MYO15A: variants seen among roughly 807,000 people sequenced by gnomAD.
The protein encoded by MYO15A is myosin XVA, also known as unconventional myosin-XV.
A neutral mutation model predicts 394.6 loss-of-function variants in MYO15A; 308 were observed. The observed-to-expected ratio is 0.78, with a 90% confidence interval of 0.71 to 0.86. MYO15A has a LOEUF of 0.86. Among genes scored for constraint, MYO15A ranks in the 40% least tolerant of loss-of-function variants. The pLI is 0.00. For missense variants in MYO15A, 4,606 were observed against 4,799.1 expected (o/e 0.96, Z 1.19); for synonymous variants, 1,957 against 2,003.8 (o/e 0.98, Z 0.62).
rs527928448 is a variant in MYO15A, at chr17:18,132,643, C to G, written c.4320+77C>G. 1 of 1,223,414 alleles carries G rather than the reference C, an allele frequency of 8.2e-7. No individual in the cohort carries two copies. 75.8% of individuals were successfully genotyped at this position (1,223,414 alleles called of 1,614,324 possible). On this transcript the variant is annotated intron_variant, in intron 11 of 65. Transcript: ENST00000647165. The surrounding 1 kb of genome is among the most constrained non-coding windows in gnomAD (Gnocchi z 4.6). The stretch of plus-strand genomic sequence containing the variant: ...ACGCCCCTGGCTGGGCCTTGGGAGC[C>G]GAGTTGTGAGTGATGGAGTGTGAAG...
chr17:18,159,169 T>C (rs1044163287), intron 53 of MYO15A, 106 bp from the exon 54 acceptor site: 1 of 1,445,436 alleles, frequency 6.9e-7, no homozygotes, highest in Non-Finnish European at 9.6e-7. Flanking sequence ...GCTCCCCTTT[T>C]GTGACGTGGA....
rs1018189747 is a variant in MYO15A, at chr17:18,150,820, T to C, written c.7396-16T>C. 6.3e-7 allele frequency: 1 copy of C among 1,590,064 alleles called. No individual in the cohort carries two copies. Among genetic ancestry groups the C allele is most frequent in the African/African-American group, 1.3e-5 (1 of 74,522 alleles). Reference sequence around the variant, plus strand: ...GAGAATGGACCTGCCTGGTCACCACTGCCACCTCTCCCCAGGCCCGGGAGA... The same window carrying C: ...GAGAATGGACCTGCCTGGTCACCACCGCCACCTCTCCCCAGGCCCGGGAGA... On this transcript the variant is annotated splice_polypyrimidine_tract_variant and intron_variant, in intron 37 of 65. Coordinates refer to ENST00000647165, the MANE Select transcript of MYO15A (RefSeq NM_016239.4). This position sits in a 1 kb window ranked among gnomAD's most constrained non-coding sequence, Gnocchi z 4.4.
At chr17:18,144,682 A>C in intron 29 of MYO15A, 90 bp downstream of exon 29, 1 of 1,259,662 alleles carries the variant, frequency 7.9e-7, no homozygotes, top group Non-Finnish European at 1.1e-6. Flanking sequence ...AGCCCTCCCC[A>C]AGCCCAACCC....
chr17:18,130,827 T>C lies in MYO15A; in HGVS notation c.4038+17T>C, dbSNP rs761109391. On this transcript the variant is annotated intron_variant, in intron 8 of 65. Coordinates refer to ENST00000647165, the MANE Select transcript of MYO15A (RefSeq NM_016239.4). Reference sequence around the variant, plus strand: ...AAGATAAAGGTACTCAGTGTGTGTGTGTGTGTGTGTGTGTGTGTGTGTGTG... The same window carrying C: ...AAGATAAAGGTACTCAGTGTGTGTGCGTGTGTGTGTGTGTGTGTGTGTGTG... 1.7e-4 allele frequency: 223 copies of C among 1,301,256 alleles called. No individual in the cohort carries two copies. In the South Asian group the frequency reaches 2.3e-3, roughly 14 times the overall value. 80.6% of individuals were successfully genotyped at this position (1,301,256 alleles called of 1,614,324 possible). A position where few individuals can be genotyped will look rare whatever the true frequency, so the allele number is the denominator to read the frequency against.
intron 30 of MYO15A, among the ~76,000 whole-genome samples, chr17:18,146,492 C>A (rs2046483535): frequency 6.6e-6 from 1 of 152,192 alleles, no homozygotes; most frequent in Admixed American, 6.5e-5. Context: ...AGCTGTGTGA[C>A]CTTGGGTAAG....
At chr17:18,134,022 G>A (rs576126937) in intron 12 of MYO15A, among the ~76,000 whole-genome samples, 1 of 149,222 alleles carries the variant, frequency 6.7e-6, no homozygotes, top group East Asian at 2.0e-4. Context: ...ATGGAGTCTC[G>A]CCCTGTCGCC....
At chr17:18,158,016 G>T (rs1229467928) in intron 51 of MYO15A, 116 bp downstream of exon 51, 1 of 1,362,512 alleles carries the variant, frequency 7.3e-7, no homozygotes, top group Non-Finnish European at 9.7e-7. Flanking sequence ...CTCTTGGGGC[G>T]TGGCTGATCT....
chr17:18,142,733 A>G (rs2046403896), intron 24 of MYO15A, 23 bp from the exon 25 acceptor site: 1 of 1,607,866 alleles, frequency 6.2e-7, no homozygotes, highest in Non-Finnish European at 8.5e-7. Flanking sequence ...CCAATCCCTG[A>G]CCTCCCCACT....
At chr17:18,130,237 G>A (rs1450522855) in intron 7 of MYO15A, among the ~76,000 whole-genome samples, 2 of 152,082 alleles carry the variant, frequency 1.3e-5, no homozygotes, top group Non-Finnish European at 2.9e-5. Context: ...TTAAGCACCA[G>A]GTCTGTGTAG....
At position 18,179,250 on chromosome 17, in the gene MYO15A, C is replaced by T. The variant is rs1393884560; in HGVS notation, c.*380C>T. ...TGAACTGGCCTCTGCCTTTGGTTTACTCAGGGTCTGATGTTGGAATCTGCT... is the reference window on the plus strand; with the variant it reads ...TGAACTGGCCTCTGCCTTTGGTTTATTCAGGGTCTGATGTTGGAATCTGCT... On this transcript the variant is annotated 3_prime_UTR_variant, in exon 66 of 66. Coordinates refer to ENST00000647165, the MANE Select transcript of MYO15A (RefSeq NM_016239.4). 8.3e-6 allele frequency: 3 copies of T among 362,576 alleles called. No homozygotes were observed. The highest frequency in any genetic ancestry group is 4.2e-5 in the African/African-American group (2 of 47,846). The allele number at this position is 362,576 out of a possible 1,614,324, so 22.5% of individuals were successfully genotyped here. A position where few individuals can be genotyped will look rare whatever the true frequency, so the allele number is the denominator to read the frequency against.
In MYO15A at chr17:18,136,417, G is replaced by T. The variant is rs1226996756; in HGVS notation, c.4597G>T (p.Glu1533Ter). 1 of 1,613,718 alleles carries T rather than the reference G, an allele frequency of 6.2e-7. No homozygotes were observed. Among genetic ancestry groups the T allele is most frequent in the Admixed American group, 1.7e-5 (1 of 60,032 alleles). Residue 1533 changes from glutamate to a stop codon, truncating the protein, a stop_gained and splice_region_variant, in exon 14 of 66, where the codon GAG (glutamate) becomes TAG (stop). Transcript: ENST00000647165. LOFTEE classifies it high-confidence loss of function. ...ACTCAAGGGCTGTGCCCGTCCCTAG[G>T]AGACAATGCGAGAGAAGATCTTCAC... is the stretch of plus-strand genomic sequence containing the variant. ...LQKAITFKVTETMREKIFTPL... is the reference protein window; with the variant it reads ...LQKAITFKVT
In MYO15A at chr17:18,121,133, C is replaced by G. The variant is rs1469146918; in HGVS notation, c.2333C>G (p.Pro778Arg). The G allele has an allele frequency of 2.6e-6, 4 of 1,510,372 alleles. No homozygotes were observed. Among genetic ancestry groups the G allele is most frequent in the Non-Finnish European group, 2.6e-6 (3 of 1,134,912 alleles). The allele number at this position is 1,510,372 out of a possible 1,614,324, so 93.6% of individuals were successfully genotyped here. A position where few individuals can be genotyped will look rare whatever the true frequency, so the allele number is the denominator to read the frequency against. ...RAWSPLASPQ[P>R]SLRSSPGLGY... ...TGGTCACCGCTGGCCTCGCCCCAGC[C>G]CTCGCTGAGGAGCTCGCCGGGCCTC... The change falls in exon 2 of 66, where the codon CCC (proline) becomes CGC (arginine). Residue 778 changes from proline to arginine, a missense_variant. Pro to Arg is a moderately radical substitution (Grantham distance 103). Transcript: ENST00000647165. The surrounding 1 kb of genome is among the most constrained non-coding windows in gnomAD (Gnocchi z 5.3).
At chr17:18,134,904 AG>A (rs1445135273) in intron 12 of MYO15A, among the ~76,000 whole-genome samples, 3 of 151,694 alleles carry the variant, frequency 2.0e-5, no homozygotes, top group Non-Finnish European at 4.4e-5. Flanking sequence ...TTTTTGAGAC[AG>A]GGTCTCACTT....
At position 18,155,083 on chromosome 17, in the gene MYO15A, G is replaced by T. The variant is rs755932056; in HGVS notation, c.8225-27G>T. 19 of 1,600,048 alleles carry T rather than the reference G, an allele frequency of 1.2e-5. No individual in the cohort carries two copies. The South Asian group carries it at 1.8e-4, about 15-fold the overall frequency. On this transcript the variant is annotated intron_variant, in intron 45 of 65. Coordinates refer to ENST00000647165, the MANE Select transcript of MYO15A (RefSeq NM_016239.4). The stretch of plus-strand genomic sequence containing the variant: ...GGGTTGCCAGGGGAGTGGGGAGAGG[G>T]TCCTGACCAGACCTGGCCTCCCATA...
rs2045814108 is a variant in MYO15A, at chr17:18,117,978, C to T, written c.-219-604C>T. On this transcript the variant is annotated intron_variant, in intron 1 of 65. Coordinates refer to ENST00000647165, the MANE Select transcript of MYO15A (RefSeq NM_016239.4). The surrounding 1 kb of genome is among the most constrained non-coding windows in gnomAD (Gnocchi z 4.1). ...CAGAGAGGACAAGGACTTTCCTGGA[C>T]CCACACAGCCAGTCAGTGACAGAGC... Among the ~76,000 whole-genome samples, 1 of 152,110 alleles carries T rather than the reference C, an allele frequency of 6.6e-6. No individual in the cohort carries two copies. Among genetic ancestry groups the T allele is most frequent in the Non-Finnish European group, 1.5e-5 (1 of 68,014 alleles).
chr17:18,161,658 A>G (rs186887773), intron 57 of MYO15A, among the ~76,000 whole-genome samples: 20 of 152,328 alleles, frequency 1.3e-4, no homozygotes, highest in Admixed American at 6.5e-4. Flanking sequence ...GTGGTCAGGG[A>G]TGACTCCTTG....
rs2045876343 is a variant in MYO15A, at chr17:18,119,881, C to T, written c.1081C>T (p.His361Tyr). The T allele has an allele frequency of 1.2e-6, 2 of 1,613,246 alleles. No individual in the cohort carries two copies. The highest frequency in any genetic ancestry group is 8.5e-7 in the Non-Finnish European group (1 of 1,179,996). Reference protein sequence around the residue: ...APYPPYDLPYHTPYDVPYFDP... With the variant: ...APYPPYDLPYYTPYDVPYFDP... ...ATACCCACCCTATGACCTCCCATAC[C>T]ACACTCCCTACGATGTACCCTACTT... Residue 361 changes from histidine (H) to tyrosine (Y), a missense_variant, in exon 2 of 66, where the codon CAC becomes TAC. Around this residue, in one of 2 missense-constraint regions of MYO15A, gnomAD observed 1,830 missense variants for 1,689.7 expected, o/e 1.08. Transcript: ENST00000647165.
intron 7 of MYO15A, among the ~76,000 whole-genome samples, chr17:18,130,288 C>T (rs958744134): frequency 1.3e-5 from 2 of 152,000 alleles, no homozygotes; most frequent in African/African-American, 4.8e-5. Flanking sequence ...AGATCCGTGC[C>T]TGTAGGATTT....
intron 5 of MYO15A, 88 bp downstream of exon 5, chr17:18,126,544 A>G (rs1050567838): frequency 2.3e-6 from 3 of 1,293,228 alleles, no homozygotes; most frequent in South Asian, 1.3e-5. Flanking sequence ...CACCTGAGCC[A>G]TGAGTCAGAG....
Sources: allele counts gnomAD v4.1 joint callset (sites outside exome capture counted in the v4.1 genomes callset), GRCh38; gene constraint gnomAD v4.1.1; regional missense constraint gnomAD v4.1.1; non-coding constraint Gnocchi (gnomAD v3.1); transcripts MANE v1.5; gene names NCBI Gene and HGNC (gene_info 2026-07-23, HGNC 2026-07-21).